The following TSNARE1 variants were observed in gnomAD, a reference collection of about 807,000 sequenced individuals.
TSNARE1 encodes t-SNARE domain-containing protein 1.
Under a neutral mutation model 62.0 loss-of-function variants are expected in TSNARE1, and 49 were observed. The observed-to-expected ratio is 0.79, with a 90% CI of 0.63 to 1.00. TSNARE1 has a LOEUF of 1.00. Ranked by LOEUF, TSNARE1 falls within the 50% of genes least tolerant of loss-of-function variation. The pLI is 0.00. For synonymous variants in TSNARE1, 328 were observed against 294.4 expected, an observed-to-expected ratio of 1.11 and a Z score of -1.17; for missense variants, 755 against 700.1, an observed-to-expected ratio of 1.08 and a Z score of -0.88.
intron 11 of TSNARE1, chr8:142,276,438 G>A: frequency 1.0e-6 from 1 of 985,460 alleles, no homozygotes. Flanking sequence ...CCCGGGCAAT[G>A]CCCCGCTCAC....
chr8:142,229,368 ATAGATGGATGGATGGTGGATGGT>A (rs1816991193), intron 13 of TSNARE1, 82 bp downstream of exon 13: 2 of 912,516 alleles, frequency 2.2e-6, no homozygotes, highest in Non-Finnish European at 3.6e-6. Flanking sequence ...GGGTGGATGG[ATAGATGGATGGATGGTGGATGGT>A]TAGATGGATG....
At chr8:142,339,876 G>T (rs956722958) in intron 4 of TSNARE1, among the ~76,000 whole-genome samples, 1 of 152,260 alleles carries the variant, frequency 6.6e-6, no homozygotes, top group Non-Finnish European at 1.5e-5. Flanking sequence ...CCCTCCTCTG[G>T]ACAGCTGCGC....
intron 5 of TSNARE1, 128 bp downstream of exon 5, chr8:142,331,626 C>T (rs1449761315): frequency 1.5e-5 from 13 of 892,646 alleles, no homozygotes; most frequent in East Asian, 1.1e-4. Flanking sequence ...AGTGGACCCA[C>T]GAAACCCGGG....
intron 13 of TSNARE1, among the ~76,000 whole-genome samples, chr8:142,223,169 C>CTCTT (rs879529280): frequency 4.2e-5 from 2 of 47,954 alleles, no homozygotes; most frequent in Non-Finnish European, 8.4e-5. Flanking sequence ...CACTCACTCA[C>CTCTT]TCAAGTATTC....
chr8:142,285,566 G>A (rs1410883291), intron 10 of TSNARE1, among the ~76,000 whole-genome samples: 1 of 151,786 alleles, frequency 6.6e-6, no homozygotes, highest in African/African-American at 2.4e-5. Context: ...AGATGAGTGG[G>A]TGAATGGATG....
At chr8:142,301,382 C>A (rs1825740955) in intron 9 of TSNARE1, among the ~76,000 whole-genome samples, 1 of 132,656 alleles carries the variant, frequency 7.5e-6, no homozygotes. Context: ...GCAGGCCTTC[C>A]TTCCCCTCCC....
intron 12 of TSNARE1, among the ~76,000 whole-genome samples, chr8:142,271,981 C>A (rs1004570832): frequency 2.0e-5 from 3 of 151,978 alleles, no homozygotes; most frequent in Admixed American, 2.0e-4. Flanking sequence ...ATCCTCCCAC[C>A]GACTCCCCTG....
chr8:142,353,278 C>A (rs1318908230), intron 2 of TSNARE1, among the ~76,000 whole-genome samples: 2 of 152,184 alleles, frequency 1.3e-5, no homozygotes, highest in Admixed American at 6.5e-5. Context: ...CCAGTCAGAA[C>A]ACAGGCCCCC....
intron 1 of TSNARE1, among the ~76,000 whole-genome samples, chr8:142,401,006 C>T (rs1333634066): frequency 2.0e-5 from 3 of 152,280 alleles, no homozygotes; most frequent in South Asian, 2.1e-4. Context: ...TTTTCAGGAC[C>T]GTGGAAGGAT....
intron 12 of TSNARE1, among the ~76,000 whole-genome samples, chr8:142,235,914 G>A (rs1817389554): frequency 6.6e-6 from 1 of 152,184 alleles, no homozygotes; most frequent in Non-Finnish European, 1.5e-5. Flanking sequence ...GGCGGGGCAG[G>A]AGGAGGTGGG....
rs144045224 is a variant in TSNARE1 at position 142,299,016 on chromosome 8, C to T, written c.1290+1470G>A. 4.0e-3 allele frequency among the ~76,000 whole-genome samples: 607 copies of T among 152,342 alleles called. 3 individuals carry two copies. The highest frequency in any genetic ancestry group is 0.014 in the African/African-American group (577 of 41,566). ...GCTCGTTCAGCCCCAGAGAGAAGCCCCCGAAGCAGCCTCCAGCCAGGGCCA... is the reference window on the plus strand; with the variant it reads ...GCTCGTTCAGCCCCAGAGAGAAGCCTCCGAAGCAGCCTCCAGCCAGGGCCA... On this transcript the variant is annotated intron_variant, in intron 10 of 13. Transcript: ENST00000524325.
chr8:142,382,247 G>A (rs1031937302), intron 1 of TSNARE1, among the ~76,000 whole-genome samples: 3 of 152,116 alleles, frequency 2.0e-5, no homozygotes, highest in Admixed American at 1.3e-4. Flanking sequence ...TCAACTCCAC[G>A]TCAAGCAGAA....
In TSNARE1 at chr8:142,248,838, C is replaced by T. The variant is rs554452170; in HGVS notation, c.1447-19259G>A. Among the ~76,000 whole-genome samples, 3 of 152,358 alleles carry T rather than the reference C, an allele frequency of 2.0e-5. No individual in the cohort carries two copies. The East Asian group carries it at 5.8e-4, about 29-fold the overall frequency. ...CTGCCCTGTATCACTCGGTTGCAGG[C>T]TCCTGCCAGTCACGGATGGTTCTCG... On this transcript the variant is annotated intron_variant, in intron 12 of 13. Coordinates refer to ENST00000524325, the MANE Select transcript of TSNARE1 (RefSeq NM_145003.5).
At chr8:142,226,022 T>A (rs933988229) in intron 13 of TSNARE1, among the ~76,000 whole-genome samples, 1 of 152,146 alleles carries the variant, frequency 6.6e-6, no homozygotes, top group Admixed American at 6.5e-5. Context: ...TTCTGTGTCC[T>A]CTCTTCCTCT....
At chr8:142,332,880 C>A (rs1173635651) in intron 4 of TSNARE1, among the ~76,000 whole-genome samples, 1 of 152,194 alleles carries the variant, frequency 6.6e-6, no homozygotes, top group Non-Finnish European at 1.5e-5. Context: ...ACTCCCAGCT[C>A]CCAGCAGCTT....
At chr8:142,261,757 G>C (rs376821112) in intron 12 of TSNARE1, among the ~76,000 whole-genome samples, 1 of 152,144 alleles carries the variant, frequency 6.6e-6, no homozygotes, top group African/African-American at 2.4e-5. Context: ...GGCAGCTCAC[G>C]GGCATAGAGG....
intron 11 of TSNARE1, among the ~76,000 whole-genome samples, chr8:142,283,301 G>A (rs1300584703): frequency 1.3e-5 from 2 of 151,886 alleles, no homozygotes; most frequent in Non-Finnish European, 2.9e-5. Context: ...CCAATGAGCA[G>A]AGGCGGGGCC....
At chr8:142,252,840 C>T (rs185320269) in intron 12 of TSNARE1, among the ~76,000 whole-genome samples, 1 of 152,294 alleles carries the variant, frequency 6.6e-6, no homozygotes, top group Admixed American at 6.5e-5. Context: ...CCCCTCCCCA[C>T]CCCTCAGCCA....
chr8:142,278,170 A>G (rs1051577838), intron 11 of TSNARE1: 3 of 984,788 alleles, frequency 3.0e-6, no homozygotes, highest in Admixed American at 1.2e-4. Context: ...CCCATCGCCC[A>G]AGGCCCACAG....
Sources: allele counts gnomAD v4.1 joint callset (sites outside exome capture counted in the v4.1 genomes callset), GRCh38; gene constraint gnomAD v4.1.1; transcripts MANE v1.5; gene names NCBI Gene and HGNC (gene_info 2026-07-23, HGNC 2026-07-21).